CSMD1: variants seen among roughly 807,000 people sequenced by gnomAD.
CSMD1 encodes CUB and Sushi multiple domains 1, also known as CUB and sushi domain-containing protein 1.
CSMD1 carries 213 observed loss-of-function variants against 417.5 expected under a neutral mutation model. The observed-to-expected ratio is 0.51, with a 90% CI of 0.46 to 0.57. The LOEUF is 0.57. Among genes scored for constraint, CSMD1 ranks in the 20% least tolerant of loss-of-function variants. CSMD1 has a pLI of 0.00. For missense variants in CSMD1, 6,923 were observed against 4,529.7 expected, an observed-to-expected ratio of 1.53 and a Z score of -15.17; for synonymous variants, 2,862 against 1,736.8, an observed-to-expected ratio of 1.65 and a Z score of -16.11.
chr8:3,337,678 G>C (rs572508374), intron 23 of CSMD1, among the ~76,000 whole-genome samples: 12 of 152,234 alleles, frequency 7.9e-5, no homozygotes, highest in African/African-American at 2.6e-4. Context: ...TCAAAGACCA[G>C]TCTTGCGTCT....
chr8:4,090,656 G>A (rs868006414), intron 3 of CSMD1, among the ~76,000 whole-genome samples: 3 of 152,294 alleles, frequency 2.0e-5, no homozygotes, highest in African/African-American at 2.4e-5. Context: ...AGTAATTTAA[G>A]TGAAAGAAAG....
intron 1 of CSMD1, among the ~76,000 whole-genome samples, chr8:4,835,233 G>C (rs1412058272): frequency 6.6e-6 from 1 of 152,040 alleles, no homozygotes; most frequent in Admixed American, 6.6e-5. Flanking sequence ...ATAAATGATT[G>C]AATTGCAACA....
At chr8:4,236,035 G>GT (rs869046913) in intron 3 of CSMD1, among the ~76,000 whole-genome samples, 19 of 112,640 alleles carry the variant, frequency 1.7e-4, no homozygotes, top group African/African-American at 3.5e-4. Flanking sequence ...TGTTTTTTTT[G>GT]TTTGTTTTTT....
intron 8 of CSMD1, among the ~76,000 whole-genome samples, chr8:3,609,630 T>G (rs1005487163): frequency 3.9e-5 from 6 of 152,016 alleles, no homozygotes; most frequent in African/African-American, 1.4e-4. Flanking sequence ...CAGCCCCAAG[T>G]TACATATTTA....
intron 3 of CSMD1, among the ~76,000 whole-genome samples, chr8:4,355,671 A>G (rs1801387021): frequency 6.6e-6 from 1 of 152,164 alleles, no homozygotes; most frequent in Admixed American, 6.5e-5. Context: ...AAAACCTCCA[A>G]AGCCTACAGA....
chr8:4,328,612 G>C (rs1028681117), intron 3 of CSMD1, among the ~76,000 whole-genome samples: 49 of 151,726 alleles, frequency 3.2e-4, no homozygotes, highest in African/African-American at 1.1e-3. Flanking sequence ...ATTTTGTTTT[G>C]AAATATTTAC....
chr8:3,340,225 T>C (rs895679472), intron 23 of CSMD1, among the ~76,000 whole-genome samples: 2 of 152,194 alleles, frequency 1.3e-5, no homozygotes, highest in East Asian at 1.9e-4. Context: ...TACTAAAATA[T>C]CTGAAGACTC....
intron 2 of CSMD1, among the ~76,000 whole-genome samples, chr8:4,486,180 C>CATATATATATATATATACATACAT (rs1801386271): frequency 5.7e-5 from 1 of 17,612 alleles, no homozygotes; most frequent in Non-Finnish European, 1.1e-4. Context: ...TATATACATA[C>CATATATATATATATATACATACAT]ATATATATAT....
intron 1 of CSMD1, among the ~76,000 whole-genome samples, chr8:4,947,869 T>C (rs1435506304): frequency 6.6e-6 from 1 of 152,126 alleles, no homozygotes; most frequent in Non-Finnish European, 1.5e-5. Flanking sequence ...AAATATCATT[T>C]TGTGAACATA....
chr8:4,604,275 T>C (rs183404397), intron 2 of CSMD1, among the ~76,000 whole-genome samples: 350 of 151,968 alleles, frequency 2.3e-3, no homozygotes, highest in African/African-American at 7.7e-3. Context: ...AAAGGTACAA[T>C]AGATATAAGA....
intron 21 of CSMD1, among the ~76,000 whole-genome samples, chr8:3,356,650 G>A (rs1808813387): frequency 1.3e-5 from 2 of 152,186 alleles, no homozygotes. Context: ...ACTCCAGCCT[G>A]GGTGACAAGA....
rs550171488 is a variant in CSMD1, at chr8:3,031,611, G to T, written c.7661-2098C>A. ...GACTAGGTCTAGTTATATGGCCCAC[G>T]CTGGTCCTGAAGTCTTGGGTCAAGT... On this transcript the variant is annotated intron_variant, in intron 50 of 69. Coordinates refer to ENST00000635120, the MANE Select transcript of CSMD1 (RefSeq NM_033225.6). Among the ~76,000 whole-genome samples, 194 of 151,868 alleles carry T rather than the reference G, an allele frequency of 1.3e-3. 2 individuals carry two copies. The East Asian group carries it at 0.029, about 22-fold the overall frequency.
chr8:3,465,962 G>C (rs1816770689), intron 12 of CSMD1, among the ~76,000 whole-genome samples: 1 of 152,136 alleles, frequency 6.6e-6, no homozygotes, highest in African/African-American at 2.4e-5. Context: ...AGAAGCTGGA[G>C]AGAAGGGGTG....
intron 3 of CSMD1, among the ~76,000 whole-genome samples, chr8:4,406,019 C>G (rs754881007): frequency 4.6e-5 from 7 of 152,204 alleles, no homozygotes; most frequent in Admixed American, 1.3e-4. Flanking sequence ...TTCATTCAGA[C>G]TGGCTTGTGT....
chr8:3,608,219 A>T (rs888613602), intron 8 of CSMD1, among the ~76,000 whole-genome samples: 4 of 151,842 alleles, frequency 2.6e-5, no homozygotes, highest in African/African-American at 9.7e-5. Flanking sequence ...AGGACACTGA[A>T]GGTGGGCAGG....
intron 3 of CSMD1, among the ~76,000 whole-genome samples, chr8:4,235,156 T>A (rs1380535043): frequency 1.3e-5 from 2 of 152,142 alleles, no homozygotes; most frequent in South Asian, 4.1e-4. Context: ...CCACCCACAG[T>A]GTGTGTGATT....
intron 30 of CSMD1, among the ~76,000 whole-genome samples, chr8:3,213,497 A>C (rs1797726513): frequency 6.6e-6 from 1 of 152,070 alleles, no homozygotes; most frequent in African/African-American, 2.4e-5. Flanking sequence ...CTGCTGTCTG[A>C]CTTCATCACT....
intron 10 of CSMD1, among the ~76,000 whole-genome samples, chr8:3,519,185 G>A (rs1235349807): frequency 2.6e-5 from 4 of 152,088 alleles, no homozygotes; most frequent in South Asian, 2.1e-4. Context: ...TCCTGAACAC[G>A]TGATTAATTA....
Position 3,000,028 on chromosome 8 carries a change from C to A in CSMD1, c.8133G>T (p.Arg2711=), listed in dbSNP as rs1807259598. 15 of 1,606,698 alleles carry A rather than the reference C, an allele frequency of 9.3e-6. No individual in the cohort carries two copies. Among genetic ancestry groups the A allele is most frequent in the Middle Eastern group, 1.6e-4 (1 of 6,082 alleles). The change falls in exon 53 of 70, where the codon CGG becomes CGT. Residue 2711 remains arginine, a synonymous_variant. Transcript: ENST00000635120. ...TVVYQCNPGF[R]LVGTSVRICL... ...ATATCCTCACGGAAGTTCCCACAAG[C>A]CGGAAACCAGGATTGCACTGGTAAA...
Sources: allele counts gnomAD v4.1 joint callset (sites outside exome capture counted in the v4.1 genomes callset), GRCh38; gene constraint gnomAD v4.1.1; transcripts MANE v1.5; gene names NCBI Gene and HGNC (gene_info 2026-07-23, HGNC 2026-07-21).